Variants in GRM8 observed in about 807,000 individuals in gnomAD.
The protein encoded by GRM8 is glutamate metabotropic receptor 8.
In GRM8, 47 loss-of-function variants were observed where a neutral mutation model predicts 87.2. The observed-to-expected ratio is 0.54, with a 90% CI of 0.43 to 0.69. GRM8 has a LOEUF of 0.69. Ranked by LOEUF, GRM8 falls within the 30% of genes least tolerant of loss-of-function variation. GRM8 has a pLI of 0.00. For synonymous variants in GRM8, 396 were observed against 404.5 expected, an observed-to-expected ratio of 0.98 and a Z score of 0.25; for missense variants, 1,019 against 1,139.2, an observed-to-expected ratio of 0.89 and a Z score of 1.52.
At chr7:126,683,688 A>G (rs936498244) in intron 7 of GRM8, among the ~76,000 whole-genome samples, 1 of 152,234 alleles carries the variant, frequency 6.6e-6, no homozygotes, top group Non-Finnish European at 1.5e-5. Flanking sequence ...TCAGGTGTTT[A>G]AATACATTAC....
intron 3 of GRM8, among the ~76,000 whole-genome samples, chr7:127,000,418 A>G (rs573513782): frequency 6.6e-6 from 1 of 151,960 alleles, no homozygotes; most frequent in South Asian, 2.1e-4. Flanking sequence ...TGTTTCTAAC[A>G]CAAAGGATAA....
intron 7 of GRM8, among the ~76,000 whole-genome samples, chr7:126,634,852 T>C (rs917332289): frequency 5.3e-5 from 8 of 152,178 alleles, no homozygotes; most frequent in Non-Finnish European, 1.2e-4. Context: ...AAAGCAGTGA[T>C]GTTAATGTTT....
At chr7:126,832,042 G>T (rs574416716) in intron 6 of GRM8, among the ~76,000 whole-genome samples, 1 of 151,960 alleles carries the variant, frequency 6.6e-6, no homozygotes, top group Non-Finnish European at 1.5e-5. Context: ...CTGCAAAAAT[G>T]TATCTTCAAG....
At chr7:126,909,160 CA>C (rs1263257918) in intron 3 of GRM8, among the ~76,000 whole-genome samples, 1 of 152,164 alleles carries the variant, frequency 6.6e-6, no homozygotes, top group Non-Finnish European at 1.5e-5. Flanking sequence ...TTAGGTAACA[CA>C]GATAACAGCA....
intron 6 of GRM8, among the ~76,000 whole-genome samples, chr7:126,866,660 C>T (rs1189558819): frequency 3.0e-5 from 4 of 133,738 alleles, no homozygotes; most frequent in South Asian, 2.4e-4. Context: ...GGTGCAATCT[C>T]GGCTCACAGC....
chr7:127,097,503 C>T (rs553699205), intron 3 of GRM8, among the ~76,000 whole-genome samples: 4 of 152,118 alleles, frequency 2.6e-5, no homozygotes, highest in Non-Finnish European at 5.9e-5. Context: ...ACAAATCAAG[C>T]AAAAACCCTC....
At chr7:127,139,947 C>T (rs1387662220) in intron 2 of GRM8, among the ~76,000 whole-genome samples, 1 of 152,038 alleles carries the variant, frequency 6.6e-6, no homozygotes, top group Non-Finnish European at 1.5e-5. Flanking sequence ...CCTCACAGGC[C>T]CATGGATCAA....
At chr7:126,876,170 C>T (rs1799510488) in intron 6 of GRM8, among the ~76,000 whole-genome samples, 1 of 152,188 alleles carries the variant, frequency 6.6e-6, no homozygotes, top group Non-Finnish European at 1.5e-5. Context: ...CCATTTCTTA[C>T]ATGGCATTTA....
At chr7:127,058,024 G>A (rs1285991149) in intron 3 of GRM8, 1 of 338,036 alleles carries the variant, frequency 3.0e-6, no homozygotes, top group Non-Finnish European at 6.2e-6. Flanking sequence ...CAAGCTTTTA[G>A]TTAAATAATT....
At chr7:126,754,309 C>A (rs1463341533) in intron 7 of GRM8, among the ~76,000 whole-genome samples, 1 of 151,858 alleles carries the variant, frequency 6.6e-6, no homozygotes, top group African/African-American at 2.4e-5. Flanking sequence ...TTACATTAAT[C>A]TGCAACAGTA....
At chr7:126,609,214 T>C in intron 8 of GRM8, 148 bp downstream of exon 8, 1 of 538,794 alleles carries the variant, frequency 1.9e-6, no homozygotes, top group African/African-American at 1.9e-5. Context: ...GTCCATAACA[T>C]TTTTAAATTG....
At chr7:127,243,760 C>T (rs905443607) in intron 1 of GRM8, among the ~76,000 whole-genome samples, 2 of 151,862 alleles carry the variant, frequency 1.3e-5, no homozygotes, top group Non-Finnish European at 2.9e-5. Flanking sequence ...AACCAGAAAG[C>T]ACTTTTATTT....
intron 3 of GRM8, among the ~76,000 whole-genome samples, chr7:126,944,358 C>T (rs987842300): frequency 6.6e-6 from 1 of 152,144 alleles, no homozygotes; most frequent in Non-Finnish European, 1.5e-5. Context: ...TTCAAGAATA[C>T]AGGCCCTAGA....
At chr7:127,090,711 T>C (rs193008488) in intron 3 of GRM8, among the ~76,000 whole-genome samples, 181 of 140,576 alleles carry the variant, frequency 1.3e-3, no homozygotes, top group Non-Finnish European at 2.1e-3. Flanking sequence ...TGCCCTCCGG[T>C]TGCGGCACTG....
intron 9 of GRM8, among the ~76,000 whole-genome samples, chr7:126,448,125 CT>C (rs927763038): frequency 6.6e-6 from 1 of 151,892 alleles, no homozygotes; most frequent in Admixed American, 6.6e-5. Context: ...AGAAAATTGA[CT>C]GCAGAGAGAG....
chr7:127,162,568 C>T (rs1241337538), intron 2 of GRM8, among the ~76,000 whole-genome samples: 1 of 152,122 alleles, frequency 6.6e-6, no homozygotes, highest in South Asian at 2.1e-4. Flanking sequence ...GCTAGACTAA[C>T]CATTCTGGTT....
chr7:126,950,121 A>G (rs1299834056), intron 3 of GRM8, among the ~76,000 whole-genome samples: 2 of 152,214 alleles, frequency 1.3e-5, no homozygotes, highest in African/African-American at 2.4e-5. Flanking sequence ...TACAAAATAT[A>G]TAGCTGGTTG....
chr7:126,771,868 C>T (rs1818876952), intron 6 of GRM8, among the ~76,000 whole-genome samples: 1 of 152,066 alleles, frequency 6.6e-6, no homozygotes, highest in Non-Finnish European at 1.5e-5. Flanking sequence ...GTTATATTGT[C>T]TCCTTCAACC....
chr7:126,831,765 C>G (rs2130428880), intron 6 of GRM8, among the ~76,000 whole-genome samples: 1 of 152,292 alleles, frequency 6.6e-6, no homozygotes, highest in South Asian at 2.1e-4. Flanking sequence ...GCAGAAATCA[C>G]CTGTCTTCTG....
Sources: gnomAD v4.1 joint callset for allele counts (sites outside exome capture counted in the v4.1 genomes callset) on GRCh38, gnomAD v4.1.1 for gene constraint, MANE v1.5 for transcripts, NCBI Gene and HGNC (gene_info 2026-07-23, HGNC 2026-07-21) for gene names.